DRD5: variants seen among roughly 807,000 people sequenced by gnomAD.
DRD5 encodes the protein dopamine receptor D5, also known as D(1B) dopamine receptor.
For synonymous variants in DRD5, 327 were observed against 277.1 expected (o/e 1.18, Z -1.79); for missense variants, 758 against 657.8 (o/e 1.15, Z -1.67).
rs371771975 is a variant in DRD5 at position 9,782,735 on chromosome 4, A to T, written c.706A>T (p.Ile236Phe). The change falls in exon 1 of 1, where the codon ATC becomes TTC. Residue 236 changes from isoleucine to phenylalanine, a missense_variant. Transcript: ENST00000304374. ...AISSSLISFYIPVAIMIVTYT... is the reference protein window; with the variant it reads ...AISSSLISFYFPVAIMIVTYT... ...CTCTTCCTCGCTCATCAGCTTCTAC[A>T]TCCCCGTTGCCATCATGATCGTGAC... 13 of 1,613,658 alleles carry T rather than the reference A, an allele frequency of 8.1e-6. No homozygotes were observed. Among genetic ancestry groups the T allele is most frequent in the Non-Finnish European group, 1.1e-5 (13 of 1,179,826 alleles).
In DRD5 at chr4:9,782,656, G is replaced by A. The variant is rs769157941; in HGVS notation, c.627G>A (p.Glu209=). 1 of 1,614,000 alleles carries A rather than the reference G, an allele frequency of 6.2e-7. No individual in the cohort carries two copies. The highest frequency in any genetic ancestry group is 8.5e-7 in the Non-Finnish European group (1 of 1,179,874). ...CGCCCTGGGAGGAGGACTTTTGGGA[G>A]CCCGACGTGAATGCAGAGAACTGTG... ...NWTPWEEDFW[E]PDVNAENCDS... Residue 209 remains glutamate, a synonymous_variant, in exon 1 of 1, where the codon GAG becomes GAA. Coordinates refer to ENST00000304374, the MANE Select transcript of DRD5 (RefSeq NM_000798.5).
At position 9,782,887 on chromosome 4, in the gene DRD5, T is replaced by C; in HGVS notation, c.858T>C (p.Ala286=). ...AACAPDTSLR[A]SIKKETKVLK... is the part of the protein sequence containing the mutation. ...GCGCGCCCGACACCAGCCTGCGCGC[T>C]TCCATCAAGAAGGAGACCAAGGTTC... Residue 286 remains alanine (A), a synonymous_variant, in exon 1 of 1, where the codon GCT becomes GCC. Coordinates refer to ENST00000304374, the MANE Select transcript of DRD5 (RefSeq NM_000798.5). 1.9e-6 allele frequency: 3 copies of C among 1,614,012 alleles called. No homozygotes were observed. Among genetic ancestry groups the C allele is most frequent in the Non-Finnish European group, 2.5e-6 (3 of 1,180,016 alleles).
chr4:9,783,147 TG>T lies in DRD5; in HGVS notation c.1122del (p.Cys375AlafsTer13). On this transcript the variant is annotated frameshift_variant, in exon 1 of 1. Coordinates refer to ENST00000304374, the MANE Select transcript of DRD5 (RefSeq NM_000798.5). LOFTEE classifies it low-confidence loss of function (END_TRUNC). The part of the protein sequence containing the change: ...ADFQKVFAQL[L>X]GCSHFCSRTP... ...TTTCAGAAGGTGTTTGCCCAGCTGC[TG>T]GGGTGCAGCCACTTCTGCTCCCGCA... The T allele has an allele frequency of 6.2e-7, 1 of 1,614,252 alleles. No individual in the cohort carries two copies. Among genetic ancestry groups the T allele is most frequent in the Non-Finnish European group, 8.5e-7 (1 of 1,180,034 alleles).
chr4:9,783,259 C>T lies in DRD5; in HGVS notation c.1230C>T (p.Tyr410=). 6.2e-7 allele frequency: 1 copy of T among 1,614,242 alleles called. No individual in the cohort carries two copies. Among genetic ancestry groups the T allele is most frequent in the Non-Finnish European group, 8.5e-7 (1 of 1,180,048 alleles). Residue 410 remains tyrosine, a synonymous_variant, in exon 1 of 1, where the codon TAC becomes TAT. Transcript: ENST00000304374. ...TCCACAAGGAAATCGCAGCTGCCTA[C>T]ATCCACATGATGCCCAACGCCGTTA... The part of the protein sequence containing the change: ...IVFHKEIAAA[Y]IHMMPNAVTP...
At position 9,782,766 on chromosome 4, in the gene DRD5, C is replaced by T. The variant is rs1187024726; in HGVS notation, c.737C>T (p.Thr246Met). Reference sequence around the variant, plus strand: ...GTTGCCATCATGATCGTGACCTACACGCGCATCTACCGCATCGCCCAGGTG... The same window carrying T: ...GTTGCCATCATGATCGTGACCTACATGCGCATCTACCGCATCGCCCAGGTG... Reference protein sequence around the residue: ...IPVAIMIVTYTRIYRIAQVQI... With the variant: ...IPVAIMIVTYMRIYRIAQVQI... Residue 246 changes from threonine to methionine, a missense_variant, in exon 1 of 1, where the codon ACG becomes ATG. Thr to Met is a moderately conservative substitution (Grantham distance 81). Coordinates refer to ENST00000304374, the MANE Select transcript of DRD5 (RefSeq NM_000798.5). 2.5e-6 allele frequency: 4 copies of T among 1,614,006 alleles called. No individual in the cohort carries two copies. Among genetic ancestry groups the T allele is most frequent in the East Asian group, 2.2e-5 (1 of 44,868 alleles).
Position 9,783,466 on chromosome 4 carries a change from T to G in DRD5, c.*3T>G. 3 of 1,594,454 alleles carry G rather than the reference T, an allele frequency of 1.9e-6. No homozygotes were observed. Among genetic ancestry groups the G allele is most frequent in the Non-Finnish European group, 2.6e-6 (3 of 1,169,170 alleles). ...TCACCCCGAATGGATTCCATTAAAC[T>G]GCATTAAGAAACCCCCTCATGGATC... On this transcript the variant is annotated 3_prime_UTR_variant, in exon 1 of 1. Coordinates refer to ENST00000304374, the MANE Select transcript of DRD5 (RefSeq NM_000798.5).
Position 9,782,087 on chromosome 4 carries a change from C to A in DRD5, c.58C>A (p.Gln20Lys). Residue 20 changes from glutamine (Q) to lysine (K), a missense_variant, in exon 1 of 1, where the codon CAG (glutamine) becomes AAG (lysine). By Grantham distance (53) the Gln-to-Lys change is moderately conservative (BLOSUM62 1). Transcript: ENST00000304374. ...CCCGGGGCAGTTCGCTCTATACCAG[C>A]AGCTGGCGCAGGGGAACGCCGTGGG... ...AYPGQFALYQ[Q>K]LAQGNAVGGS... The A allele has an allele frequency of 4.6e-6, 7 of 1,523,010 alleles. No homozygotes were observed. Among genetic ancestry groups the A allele is most frequent in the Non-Finnish European group, 6.2e-6 (7 of 1,137,448 alleles). The allele number at this position is 1,523,010 out of a possible 1,614,324, so 94.3% of individuals were successfully genotyped here.
In DRD5 at chr4:9,783,752, T is replaced by C; in HGVS notation, c.*289T>C. The C allele has an allele frequency of 3.2e-6, 1 of 315,530 alleles. No individual in the cohort carries two copies. The highest frequency in any genetic ancestry group is 6.1e-6 in the Non-Finnish European group (1 of 162,822). 19.5% of individuals were successfully genotyped at this position (315,530 alleles called of 1,614,324 possible). A position where few individuals can be genotyped will look rare whatever the true frequency, so the allele number is the denominator to read the frequency against. On this transcript the variant is annotated 3_prime_UTR_variant, in exon 1 of 1. Transcript: ENST00000304374. ...CCTTAAAAAAAAAAATGATACTTGG[T>C]CCTTAAAAAATATGCTCTCCCCTCC... is the stretch of plus-strand genomic sequence containing the variant.
Position 9,783,064 on chromosome 4 carries a change from C to A in DRD5, c.1035C>A (p.Val345=), listed in dbSNP as rs1234369542. ...GTGAGACCACCTTCGACGTCTTCGT[C>A]TGGTTCGGCTGGGCTAACTCCTCAC... is the stretch of plus-strand genomic sequence containing the variant. ...CVSETTFDVF[V]WFGWANSSLN... Residue 345 remains valine (V), a synonymous_variant, in exon 1 of 1, where the codon GTC becomes GTA. Coordinates refer to ENST00000304374, the MANE Select transcript of DRD5 (RefSeq NM_000798.5). The A allele has an allele frequency of 1.9e-6, 3 of 1,614,130 alleles. No individual in the cohort carries two copies. The highest frequency in any genetic ancestry group is 2.5e-6 in the Non-Finnish European group (3 of 1,180,052).
At position 9,782,877 on chromosome 4, in the gene DRD5, G is replaced by C. The variant is rs1718670798; in HGVS notation, c.848G>C (p.Ser283Thr). 1 of 1,613,916 alleles carries C rather than the reference G, an allele frequency of 6.2e-7. No homozygotes were observed. The highest frequency in any genetic ancestry group is 1.1e-5 in the South Asian group (1 of 91,076). Reference protein sequence around the residue: ...RSSAACAPDTSLRASIKKETK... With the variant: ...RSSAACAPDTTLRASIKKETK... ...AGCGCAGCCTGCGCGCCCGACACCA[G>C]CCTGCGCGCTTCCATCAAGAAGGAG... The change falls in exon 1 of 1, where the codon AGC becomes ACC. Residue 283 changes from serine (S) to threonine (T), a missense_variant. Transcript: ENST00000304374.
In DRD5 at chr4:9,782,585, G is replaced by C; in HGVS notation, c.556G>C (p.Ala186Pro). Residue 186 changes from alanine to proline, a missense_variant, in exon 1 of 1, where the codon GCC (alanine) becomes CCC (proline). Transcript: ENST00000304374. ...VQLNWHRDQA[A>P]SWGGLDLPNN... ...GCTCAACTGGCACAGGGACCAGGCG[G>C]CCTCTTGGGGCGGGCTGGACCTGCC... The C allele has an allele frequency of 6.2e-7, 1 of 1,613,946 alleles. No individual in the cohort carries two copies. The highest frequency in any genetic ancestry group is 8.5e-7 in the Non-Finnish European group (1 of 1,179,860).
Position 9,783,236 on chromosome 4 carries a change from C to G in DRD5, c.1207C>G (p.His403Asp). 1 of 1,614,208 alleles carries G rather than the reference C, an allele frequency of 6.2e-7. No individual in the cohort carries two copies. The highest frequency in any genetic ancestry group is 8.5e-7 in the Non-Finnish European group (1 of 1,180,034). ...LISYNQDIVF[H>D]KEIAAAYIHM... ...CTCCTACAACCAAGACATCGTCTTC[C>G]ACAAGGAAATCGCAGCTGCCTACAT... Residue 403 changes from histidine to aspartate, a missense_variant, in exon 1 of 1, where the codon CAC (histidine) becomes GAC (aspartate). His to Asp is a moderately conservative substitution (Grantham distance 81). Coordinates refer to ENST00000304374, the MANE Select transcript of DRD5 (RefSeq NM_000798.5).
At position 9,783,717 on chromosome 4, in the gene DRD5, G is replaced by T. The variant is rs1718841078; in HGVS notation, c.*254G>T. ...ACGATCCTATGAGAGAAGAGAGTAT[G>T]GTGCTGGGTCCTTAAAAAAAAAAAT... is the stretch of plus-strand genomic sequence containing the variant. On this transcript the variant is annotated 3_prime_UTR_variant, in exon 1 of 1. Coordinates refer to ENST00000304374, the MANE Select transcript of DRD5 (RefSeq NM_000798.5). 4.6e-6 allele frequency: 2 copies of T among 432,840 alleles called. No homozygotes were observed. The highest frequency in any genetic ancestry group is 8.5e-6 in the Non-Finnish European group (2 of 236,268). The allele number at this position is 432,840 out of a possible 1,614,324, so 26.8% of individuals were successfully genotyped here. A position where few individuals can be genotyped will look rare whatever the true frequency, so the allele number is the denominator to read the frequency against.
rs1967550 is a variant in DRD5 at position 9,783,641 on chromosome 4, G to T, written c.*178G>T. 0.57 allele frequency: 366,967 copies of T among 645,872 alleles called. 109,708 individuals carry two copies. The highest frequency in any genetic ancestry group is 0.64 in the Non-Finnish European group (239,806 of 374,254). The allele number at this position is 645,872 out of a possible 1,614,324, so 40.0% of individuals were successfully genotyped here. A position where few individuals can be genotyped will look rare whatever the true frequency, so the allele number is the denominator to read the frequency against. ...TTGGTAGTTCGAAGAATTGGCAGAAGCAGTTGCAATAAACTCAGTCAAATG... is the reference window on the plus strand; with the variant it reads ...TTGGTAGTTCGAAGAATTGGCAGAATCAGTTGCAATAAACTCAGTCAAATG... On this transcript the variant is annotated 3_prime_UTR_variant, in exon 1 of 1. Coordinates refer to ENST00000304374, the MANE Select transcript of DRD5 (RefSeq NM_000798.5).
Position 9,783,577 on chromosome 4 carries a change from G to A in DRD5, c.*114G>A, listed in dbSNP as rs1718821138. Reference sequence around the variant, plus strand: ...GCTGCTCCCTTTATCATGTGTTTCTGTGTAGTAGCTCGTGTGCTTAGAAAC... The same window carrying A: ...GCTGCTCCCTTTATCATGTGTTTCTATGTAGTAGCTCGTGTGCTTAGAAAC... On this transcript the variant is annotated 3_prime_UTR_variant, in exon 1 of 1. Transcript: ENST00000304374. The A allele has an allele frequency of 9.7e-7, 1 of 1,026,982 alleles. No individual in the cohort carries two copies. Among genetic ancestry groups the A allele is most frequent in the Non-Finnish European group, 1.4e-6 (1 of 711,350 alleles). 63.6% of individuals were successfully genotyped at this position (1,026,982 alleles called of 1,614,324 possible). A position where few individuals can be genotyped will look rare whatever the true frequency, so the allele number is the denominator to read the frequency against.
Position 9,783,096 on chromosome 4 carries a change from C to T in DRD5, c.1067C>T (p.Pro356Leu), listed in dbSNP as rs1266445576. The T allele has an allele frequency of 3.7e-6, 6 of 1,614,116 alleles. No individual in the cohort carries two copies. In the South Asian group the frequency reaches 6.6e-5, roughly 18 times the overall value. The change falls in exon 1 of 1, where the codon CCC becomes CTC. Residue 356 changes from proline to leucine, a missense_variant. By Grantham distance (98) the Pro-to-Leu change is moderately conservative (BLOSUM62 -3). Coordinates refer to ENST00000304374, the MANE Select transcript of DRD5 (RefSeq NM_000798.5). The stretch of plus-strand genomic sequence containing the variant: ...GGCTGGGCTAACTCCTCACTCAACC[C>T]CGTCATCTATGCCTTCAACGCCGAC... Reference protein sequence around the residue: ...WFGWANSSLNPVIYAFNADFQ... With the variant: ...WFGWANSSLNLVIYAFNADFQ...
chr4:9,782,239 C>A lies in DRD5; in HGVS notation c.210C>A (p.His70Gln). Residue 70 changes from histidine (H) to glutamine (Q), a missense_variant, in exon 1 of 1, where the codon CAC (histidine) becomes CAA (glutamine). Coordinates refer to ENST00000304374, the MANE Select transcript of DRD5 (RefSeq NM_000798.5). ...GCGCAGCCATCGTGCGGAGCCGCCA[C>A]CTGCGCGCCAACATGACCAACGTCT... ...LVCAAIVRSR[H>Q]LRANMTNVFI... The A allele has an allele frequency of 1.2e-6, 2 of 1,613,444 alleles. No individual in the cohort carries two copies. Among genetic ancestry groups the A allele is most frequent in the Non-Finnish European group, 1.7e-6 (2 of 1,179,820 alleles).
Position 9,781,964 on chromosome 4 carries a change from G to T in DRD5, c.-66G>T. ...GCGCATCCTCGGGGTGCCCGATGGG[G>T]CTGCCTGGGGGTCGCAGGGCTGAAG... is the stretch of plus-strand genomic sequence containing the variant. On this transcript the variant is annotated 5_prime_UTR_variant, in exon 1 of 1. Transcript: ENST00000304374. 16 of 1,333,078 alleles carry T rather than the reference G, an allele frequency of 1.2e-5. No homozygotes were observed. The highest frequency in any genetic ancestry group is 1.4e-5 in the Non-Finnish European group (14 of 1,019,374). 82.6% of individuals were successfully genotyped at this position (1,333,078 alleles called of 1,614,324 possible).
At position 9,781,982 on chromosome 4, in the gene DRD5, G is replaced by A. The variant is rs1718460451; in HGVS notation, c.-48G>A. On this transcript the variant is annotated 5_prime_UTR_variant, in exon 1 of 1. Coordinates refer to ENST00000304374, the MANE Select transcript of DRD5 (RefSeq NM_000798.5). The stretch of plus-strand genomic sequence containing the variant: ...CGATGGGGCTGCCTGGGGGTCGCAG[G>A]GCTGAAGTTGGGACCGCGCACAGAC... 1.4e-6 allele frequency: 2 copies of A among 1,391,104 alleles called. No homozygotes were observed. The highest frequency in any genetic ancestry group is 1.5e-5 in the African/African-American group (1 of 68,232). The allele number at this position is 1,391,104 out of a possible 1,614,324, so 86.2% of individuals were successfully genotyped here. A position where few individuals can be genotyped will look rare whatever the true frequency, so the allele number is the denominator to read the frequency against.
Sources: gnomAD v4.1 joint callset for allele counts on GRCh38, gnomAD v4.1.1 for gene constraint, MANE v1.5 for transcripts, NCBI Gene and HGNC (gene_info 2026-07-23, HGNC 2026-07-21) for gene names.